WWC2: variants seen among roughly 807,000 people sequenced by gnomAD.
WWC2 encodes the protein WW and C2 domain containing 2.
A neutral mutation model predicts 138.5 loss-of-function variants in WWC2; 101 were observed. The ratio of observed to expected loss-of-function variants is 0.73; its 90% CI spans 0.62 to 0.86. The LOEUF (loss-of-function observed/expected upper bound fraction) is 0.86, where lower values mean the gene tolerates loss of function less well. WWC2 is among the 40% of genes least tolerant of loss of function. The pLI is 0.00. For missense variants in WWC2, 1,420 were observed against 1,419.4 expected (o/e 1.00, Z -0.01); for synonymous variants, 558 against 538.4 (o/e 1.04, Z -0.50).
chr4:183,226,348 T>G (rs1241542436), intron 4 of WWC2, among the ~76,000 whole-genome samples: 1 of 152,064 alleles, frequency 6.6e-6, no homozygotes, highest in Non-Finnish European at 1.5e-5. Flanking sequence ...TCCACCTGCC[T>G]TGGTCTACAG....
At chr4:183,262,631 G>C (rs527895854) in intron 11 of WWC2, among the ~76,000 whole-genome samples, 24 of 152,354 alleles carry the variant, frequency 1.6e-4, no homozygotes, top group African/African-American at 4.8e-4. Context: ...CTCTCCTGGG[G>C]AGATGTCAAA....
intron 14 of WWC2, among the ~76,000 whole-genome samples, chr4:183,267,074 A>C (rs1580127812): frequency 1.3e-5 from 2 of 151,742 alleles, no homozygotes; most frequent in Admixed American, 1.3e-4. Context: ...TGGGTTGCCC[A>C]GGCTGGTCTT....
At chr4:183,122,777 C>G (rs952611867) in intron 1 of WWC2, among the ~76,000 whole-genome samples, 14 of 152,184 alleles carry the variant, frequency 9.2e-5, no homozygotes, top group South Asian at 4.1e-4. Flanking sequence ...ACTTGGCCCC[C>G]CAAAGTGCTG....
intron 1 of WWC2, among the ~76,000 whole-genome samples, chr4:183,152,771 TA>T (rs1375218667): frequency 1.3e-5 from 2 of 151,190 alleles, no homozygotes; most frequent in Admixed American, 1.3e-4. Context: ...TAATCCCAGC[TA>T]CTCAGGAGGC....
At chr4:183,291,288 A>G (rs1738443091) in intron 21 of WWC2, among the ~76,000 whole-genome samples, 1 of 152,214 alleles carries the variant, frequency 6.6e-6, no homozygotes, top group Non-Finnish European at 1.5e-5. Context: ...AGGACTCTCC[A>G]TTAGTAAAGG....
At chr4:183,271,997 C>T (rs900160443) in intron 16 of WWC2, among the ~76,000 whole-genome samples, 3 of 152,130 alleles carry the variant, frequency 2.0e-5, no homozygotes, top group South Asian at 2.1e-4. Flanking sequence ...CAGAAAGAGA[C>T]CCTGTCTCAA....
In WWC2 at chr4:183,316,102, C is replaced by T. The variant is rs1739430018; in HGVS notation, c.*373C>T. The T allele has an allele frequency of 5.0e-6, 1 of 198,578 alleles. No individual in the cohort carries two copies. Among genetic ancestry groups the T allele is most frequent in the African/African-American group, 2.4e-5 (1 of 42,378 alleles). The allele number at this position is 198,578 out of a possible 1,614,324, so 12.3% of individuals were successfully genotyped here. A position where few individuals can be genotyped will look rare whatever the true frequency, so the allele number is the denominator to read the frequency against. ...TGGTTCAGCCGGTGGTTTTGCTTCTCCTTTGTGTTCCTGTGAGTAGGCTGT... is the reference window on the plus strand; with the variant it reads ...TGGTTCAGCCGGTGGTTTTGCTTCTTCTTTGTGTTCCTGTGAGTAGGCTGT... On this transcript the variant is annotated 3_prime_UTR_variant, in exon 23 of 23. Coordinates refer to ENST00000403733, the MANE Select transcript of WWC2 (RefSeq NM_024949.6).
intron 6 of WWC2, among the ~76,000 whole-genome samples, chr4:183,247,751 C>CATAATATATAT (rs2111329207): frequency 7.4e-6 from 1 of 134,346 alleles, no homozygotes; most frequent in South Asian, 2.3e-4. Flanking sequence ...ATATATACTA[C>CATAATATATAT]ATAATATATA....
At chr4:183,302,247 G>C (rs1320312576) in intron 21 of WWC2, among the ~76,000 whole-genome samples, 4 of 152,130 alleles carry the variant, frequency 2.6e-5, no homozygotes, top group Non-Finnish European at 5.9e-5. Flanking sequence ...TGTCTTTGTC[G>C]AGCCTTTTAA....
At position 183,170,077 on chromosome 4, in the gene WWC2, G is replaced by T. The variant is rs116050092; in HGVS notation, c.132-23522G>T. On this transcript the variant is annotated intron_variant, in intron 1 of 22. Coordinates refer to ENST00000403733, the MANE Select transcript of WWC2 (RefSeq NM_024949.6). ...AAGGATAGTTGGTTTGTTGGAAAAA[G>T]TGAACAGAAAGCTATAGCAGAAATA... is the stretch of plus-strand genomic sequence containing the variant. Among the ~76,000 whole-genome samples the T allele has an allele frequency of 5.9e-3, 899 of 152,286 alleles. 7 individuals carry two copies. Among genetic ancestry groups the T allele is most frequent in the African/African-American group, 0.019 (797 of 41,564 alleles).
chr4:183,261,951 A>G (rs1279616171), intron 11 of WWC2, among the ~76,000 whole-genome samples: 1 of 152,200 alleles, frequency 6.6e-6, no homozygotes, highest in Non-Finnish European at 1.5e-5. Context: ...CAGTGTTTAG[A>G]TTGTTCAGGG....
At chr4:183,315,292 G>C (rs1410764347) in intron 22 of WWC2, among the ~76,000 whole-genome samples, 1 of 152,168 alleles carries the variant, frequency 6.6e-6, no homozygotes, top group East Asian at 1.9e-4. Context: ...TTTTCTGTGA[G>C]GTTACTGAGA....
intron 1 of WWC2, among the ~76,000 whole-genome samples, chr4:183,189,281 A>C (rs1260159265): frequency 6.6e-6 from 1 of 151,334 alleles, no homozygotes; most frequent in East Asian, 2.0e-4. Flanking sequence ...CTAAAAATAC[A>C]AAAAAATTAG....
At chr4:183,291,955 G>A (rs1738465492) in intron 21 of WWC2, among the ~76,000 whole-genome samples, 2 of 151,988 alleles carry the variant, frequency 1.3e-5, no homozygotes, top group African/African-American at 4.8e-5. Context: ...TACAGCTGAG[G>A]TGGGAGAATC....
chr4:183,288,178 A>G (rs1738317611), intron 20 of WWC2, among the ~76,000 whole-genome samples: 1 of 152,194 alleles, frequency 6.6e-6, no homozygotes, highest in African/African-American at 2.4e-5. Flanking sequence ...ACCATGCAGT[A>G]TGTACTGGAT....
chr4:183,294,521 C>T (rs1180882047), intron 21 of WWC2, among the ~76,000 whole-genome samples: 1 of 152,080 alleles, frequency 6.6e-6, no homozygotes, highest in Non-Finnish European at 1.5e-5. Flanking sequence ...ATGTGTGATG[C>T]ATAAGTAATA....
At chr4:183,145,209 G>A (rs1485076460) in intron 1 of WWC2, among the ~76,000 whole-genome samples, 1 of 152,224 alleles carries the variant, frequency 6.6e-6, no homozygotes, top group Admixed American at 6.5e-5. Flanking sequence ...GGTTGTTAAA[G>A]AGGTTAAATG....
At chr4:183,207,265 C>T (rs1735473153) in intron 2 of WWC2, among the ~76,000 whole-genome samples, 1 of 151,882 alleles carries the variant, frequency 6.6e-6, no homozygotes. Context: ...GGGCCTTAGG[C>T]TAGAGCATTC....
intron 2 of WWC2, among the ~76,000 whole-genome samples, chr4:183,200,854 G>T (rs544670758): frequency 6.6e-6 from 1 of 152,150 alleles, no homozygotes; most frequent in Non-Finnish European, 1.5e-5. Flanking sequence ...GTAATATCTT[G>T]TCACTTATTC....
Sources: gnomAD v4.1 joint callset for allele counts (sites outside exome capture counted in the v4.1 genomes callset) on GRCh38, gnomAD v4.1.1 for gene constraint, MANE v1.5 for transcripts, NCBI Gene and HGNC (gene_info 2026-07-23, HGNC 2026-07-21) for gene names.